Variants in CYP7B1 observed in about 807,000 individuals in gnomAD.
CYP7B1 encodes the protein cytochrome P450 7B1.
Under a neutral mutation model 42.7 loss-of-function variants are expected in CYP7B1, and 29 were observed. That is an observed-to-expected ratio of 0.68 (90% CI 0.51 to 0.93). The LOEUF is 0.93. Among genes scored for constraint, CYP7B1 ranks in the 40% least tolerant of loss-of-function variants. The pLI is 0.00. For synonymous variants in CYP7B1, 235 were observed against 218.2 expected, an observed-to-expected ratio of 1.08 and a Z score of -0.68; for missense variants, 655 against 600.5, an observed-to-expected ratio of 1.09 and a Z score of -0.95.
chr8:64,698,123 C>G (rs1307637510), intron 1 of CYP7B1, among the ~76,000 whole-genome samples: 1 of 152,042 alleles, frequency 6.6e-6, no homozygotes, highest in Non-Finnish European at 1.5e-5. Flanking sequence ...TTTTAAAGTC[C>G]TAACACATGA....
intron 1 of CYP7B1, among the ~76,000 whole-genome samples, chr8:64,786,916 C>T (rs1482768169): frequency 6.6e-6 from 1 of 152,252 alleles, no homozygotes; most frequent in Non-Finnish European, 1.5e-5. Flanking sequence ...AGGCTCAACA[C>T]CACATGGAAG....
In CYP7B1 at chr8:64,616,176, G is replaced by A. The variant is rs1266561210; in HGVS notation, c.365C>T (p.Ala122Val). ...RVFSNKLLEK[A>V]FSISQLQKNH... ...TTTTTGCAACTGACTGATGCTAAAT[G>A]CTTTCTCTAATAATTTATTAGAAAA... The change falls in exon 3 of 6, where the codon GCA (alanine) becomes GTA (valine). Residue 122 changes from alanine (A) to valine (V), a missense_variant. By Grantham distance (64) the Ala-to-Val change is moderately conservative. Coordinates refer to ENST00000310193, the MANE Select transcript of CYP7B1 (RefSeq NM_004820.5). 3.1e-6 allele frequency: 5 copies of A among 1,612,198 alleles called. No homozygotes were observed. The highest frequency in any genetic ancestry group is 4.2e-6 in the Non-Finnish European group (5 of 1,178,948).
At chr8:64,617,545 G>A (rs919145429) in intron 2 of CYP7B1, among the ~76,000 whole-genome samples, 2 of 152,142 alleles carry the variant, frequency 1.3e-5, no homozygotes, top group Non-Finnish European at 2.9e-5. Context: ...CTTCTAATTA[G>A]AAATATTAAG....
At chr8:64,710,958 T>C (rs1387565279) in intron 1 of CYP7B1, among the ~76,000 whole-genome samples, 1 of 152,080 alleles carries the variant, frequency 6.6e-6, no homozygotes, top group Non-Finnish European at 1.5e-5. Context: ...TGCAAGATCT[T>C]AAAGAATAAA....
At chr8:64,686,178 G>A (rs1806638394) in intron 1 of CYP7B1, among the ~76,000 whole-genome samples, 1 of 71,214 alleles carries the variant, frequency 1.4e-5, no homozygotes, top group Non-Finnish European at 3.1e-5. Context: ...GCCCCTACTG[G>A]GAAGTGAGGA....
intron 1 of CYP7B1, among the ~76,000 whole-genome samples, chr8:64,781,355 G>A (rs553646844): frequency 1.3e-5 from 2 of 152,186 alleles, no homozygotes; most frequent in East Asian, 3.9e-4. Context: ...AAATTTAGGG[G>A]CTTAAATAAC....
At chr8:64,699,683 C>T (rs531009802) in intron 1 of CYP7B1, among the ~76,000 whole-genome samples, 96 of 152,088 alleles carry the variant, frequency 6.3e-4, no homozygotes, top group Middle Eastern at 3.4e-3. Context: ...GTGACAACTG[C>T]AAAGCACTAA....
intron 1 of CYP7B1, among the ~76,000 whole-genome samples, chr8:64,653,215 G>A (rs1296858445): frequency 1.3e-5 from 2 of 152,052 alleles, no homozygotes; most frequent in Admixed American, 1.3e-4. Context: ...CCAGGAGTTG[G>A]TTTCTTGAAA....
At chr8:64,604,622 G>A in intron 5 of CYP7B1, 60 bp downstream of exon 5, 14 of 1,597,204 alleles carry the variant, frequency 8.8e-6, no homozygotes, top group Admixed American at 1.7e-5. Context: ...GATAGGGATG[G>A]AAGAGGAATG....
At chr8:64,732,748 T>A (rs1807431518) in intron 1 of CYP7B1, 1 of 152,134 alleles carries the variant, frequency 6.6e-6, no homozygotes, top group African/African-American at 2.4e-5. Flanking sequence ...TGGGAGGTGA[T>A]TAGATCATGG....
At chr8:64,679,328 AGGGGCT>A (rs934445289) in intron 1 of CYP7B1, among the ~76,000 whole-genome samples, 1 of 152,184 alleles carries the variant, frequency 6.6e-6, no homozygotes, top group African/African-American at 2.4e-5. Flanking sequence ...TGCCAGTGAC[AGGGGCT>A]GATAGAGAAG....
At chr8:64,641,546 A>C (rs549247628) in intron 1 of CYP7B1, among the ~76,000 whole-genome samples, 1 of 152,308 alleles carries the variant, frequency 6.6e-6, no homozygotes, top group African/African-American at 2.4e-5. Context: ...GGTTCAGGAA[A>C]ACTAATTCTT....
chr8:64,700,747 G>T (rs1806903784), intron 1 of CYP7B1, among the ~76,000 whole-genome samples: 1 of 152,092 alleles, frequency 6.6e-6, no homozygotes, highest in South Asian at 2.1e-4. Context: ...ATAGCAGTGG[G>T]TGGTTAATGA....
At position 64,644,426 on chromosome 8, in the gene CYP7B1, G is replaced by T. The variant is rs73237789; in HGVS notation, c.123-19887C>A. On this transcript the variant is annotated intron_variant, in intron 1 of 5. Coordinates refer to ENST00000310193, the MANE Select transcript of CYP7B1 (RefSeq NM_004820.5). Reference sequence around the variant, plus strand: ...CCAATTAACTTTTCCCAGCTCCATCGGAGGCATCACTATCTATGGCAGCCA... The same window carrying T: ...CCAATTAACTTTTCCCAGCTCCATCTGAGGCATCACTATCTATGGCAGCCA... Among the ~76,000 whole-genome samples the T allele has an allele frequency of 8.1e-3, 1,227 of 152,110 alleles. 12 individuals are homozygous for T. Among genetic ancestry groups the T allele is most frequent in the African/African-American group, 0.028 (1,165 of 41,478 alleles).
chr8:64,636,070 T>C (rs920390859), intron 1 of CYP7B1, among the ~76,000 whole-genome samples: 11 of 152,212 alleles, frequency 7.2e-5, no homozygotes, highest in African/African-American at 2.7e-4. Context: ...TAAAACTTAA[T>C]TGAGTTTCGA....
intron 1 of CYP7B1, among the ~76,000 whole-genome samples, chr8:64,764,204 C>A (rs921388988): frequency 6.6e-6 from 1 of 151,502 alleles, no homozygotes; most frequent in Non-Finnish European, 1.5e-5. Context: ...CTCTCCTCCC[C>A]GAATTTCTAC....
At chr8:64,687,223 T>G (rs1334378934) in intron 1 of CYP7B1, among the ~76,000 whole-genome samples, 1 of 152,222 alleles carries the variant, frequency 6.6e-6, no homozygotes, top group Non-Finnish European at 1.5e-5. Context: ...GAAGATGTGG[T>G]ATATCTGCAC....
intron 1 of CYP7B1, among the ~76,000 whole-genome samples, chr8:64,757,977 T>C (rs914866201): frequency 5.9e-5 from 9 of 152,200 alleles, no homozygotes. Flanking sequence ...GCCATCTCCA[T>C]AACACACCTT....
chr8:64,621,142 A>T (rs1354270145), intron 2 of CYP7B1, among the ~76,000 whole-genome samples: 2 of 152,224 alleles, frequency 1.3e-5, no homozygotes, highest in Non-Finnish European at 2.9e-5. Context: ...GAGGAGAAGC[A>T]CCAGCTCAGG....
Sources: gnomAD v4.1 joint callset for allele counts (sites outside exome capture counted in the v4.1 genomes callset) on GRCh38, gnomAD v4.1.1 for gene constraint, MANE v1.5 for transcripts, NCBI Gene and HGNC (gene_info 2026-07-23, HGNC 2026-07-21) for gene names.